The following QKI variants were observed in gnomAD, a reference collection of about 807,000 sequenced individuals.
QKI encodes KH domain-containing RNA-binding protein QKI.
QKI carries 10 observed loss-of-function variants against 39.0 expected under a neutral mutation model. That is an observed-to-expected ratio of 0.26 (90% CI 0.16 to 0.43). The LOEUF is 0.43. Among genes scored for constraint, QKI ranks in the 20% least tolerant of loss-of-function variants. The pLI, the probability that QKI is intolerant of heterozygous loss-of-function variation, is 1.00. For synonymous variants in QKI, 204 were observed against 155.4 expected, an observed-to-expected ratio of 1.31 and a Z score of -2.33; for missense variants, 218 against 428.0, an observed-to-expected ratio of 0.51 and a Z score of 4.33.
rs60823251 is a variant in QKI at position 163,572,670 on chromosome 6, A to ACCCCCCCCCCCCCCCCCCCCCCCCCC, written c.*1971_*1972insCCCCCCCCCCCCCCCCCCCCCCCCCC. The ACCCCCCCCCCCCCCCCCCCCCCCCCC allele has an allele frequency of 8.7e-4, 17 of 19,632 alleles. 2 individuals are homozygous for ACCCCCCCCCCCCCCCCCCCCCCCCCC. Among genetic ancestry groups the ACCCCCCCCCCCCCCCCCCCCCCCCCC allele is most frequent in the South Asian group, 7.8e-3 (2 of 258 alleles). 1.2% of individuals were successfully genotyped at this position (19,632 alleles called of 1,614,324 possible). ...CGTGGCAAATCTCAAGTGACAGTGGACCCCCCCCCCCGCCCAGCTTATCAA... is the reference window on the plus strand; with the variant it reads ...CGTGGCAAATCTCAAGTGACAGTGGACCCCCCCCCCCCCCCCCCCCCCCCCCCCCCCCCCCCCGCCCAGCTTATCAA... On this transcript the variant is annotated 3_prime_UTR_variant, in exon 8 of 8. Coordinates refer to ENST00000361752, the MANE Select transcript of QKI (RefSeq NM_006775.3).
chr6:163,504,156 T>G (rs1583114469), intron 3 of QKI, among the ~76,000 whole-genome samples: 2 of 152,292 alleles, frequency 1.3e-5, no homozygotes, highest in East Asian at 3.9e-4. Flanking sequence ...CATTGCTTAT[T>G]TCTGTCAAAA....
intron 2 of QKI, among the ~76,000 whole-genome samples, chr6:163,468,600 T>C (rs188857267): frequency 1.3e-5 from 2 of 152,220 alleles, no homozygotes; most frequent in Non-Finnish European, 2.9e-5. Context: ...TTGTTAAACC[T>C]CTTCTTTGTA....
intron 1 of QKI, among the ~76,000 whole-genome samples, chr6:163,422,146 G>A (rs779018590): frequency 8.5e-5 from 13 of 152,182 alleles, no homozygotes; most frequent in Admixed American, 1.3e-4. Flanking sequence ...TATTGCAGAA[G>A]TGATTTATCT....
chr6:163,424,460 G>A (rs1046980593), intron 1 of QKI, among the ~76,000 whole-genome samples: 7 of 152,034 alleles, frequency 4.6e-5, no homozygotes, highest in African/African-American at 9.7e-5. Context: ...TCATGACTCC[G>A]CAATTAACTG....
rs1783798731 is a variant in QKI at position 163,573,143 on chromosome 6, G to A, written c.*2433G>A. ...TGTGTGACATTTATAGGGAATGTTG[G>A]CTCTGAACAAACTTTTGAAAACTTG... On this transcript the variant is annotated 3_prime_UTR_variant, in exon 8 of 8. Transcript: ENST00000361752. 1 of 152,116 alleles carries A rather than the reference G, an allele frequency of 6.6e-6. No individual in the cohort carries two copies. Among genetic ancestry groups the A allele is most frequent in the Admixed American group, 6.5e-5 (1 of 15,272 alleles). The allele number at this position is 152,116 out of a possible 1,614,324, so 9.4% of individuals were successfully genotyped here.
intron 2 of QKI, among the ~76,000 whole-genome samples, chr6:163,457,757 G>A (rs528433674): frequency 6.6e-6 from 1 of 151,974 alleles, no homozygotes; most frequent in African/African-American, 2.4e-5. Context: ...GTGAAGTGAT[G>A]AATTAAACAG....
intron 3 of QKI, among the ~76,000 whole-genome samples, chr6:163,482,637 T>G (rs1163018840): frequency 6.6e-6 from 1 of 152,144 alleles, no homozygotes; most frequent in Admixed American, 6.5e-5. Flanking sequence ...CTTTACTTAT[T>G]TATTATAAAG....
intron 2 of QKI, among the ~76,000 whole-genome samples, chr6:163,457,942 C>T (rs1791049452): frequency 6.6e-6 from 1 of 151,942 alleles, no homozygotes; most frequent in Non-Finnish European, 1.5e-5. Context: ...AAATCTGTTA[C>T]AATATGATGG....
rs1376741292 is a variant in QKI, at chr6:163,571,791, A to T, written c.*1081A>T. ...TTTTTTCTGGTGGTTGTCAAGAAAC[A>T]AAAGACCAAAAGAGCCTTTTTGTCT... On this transcript the variant is annotated 3_prime_UTR_variant, in exon 8 of 8. Transcript: ENST00000361752. 2.0e-4 allele frequency: 30 copies of T among 152,026 alleles called. No homozygotes were observed. Among genetic ancestry groups the T allele is most frequent in the Non-Finnish European group, 7.4e-5 (5 of 67,994 alleles). 9.4% of individuals were successfully genotyped at this position (152,026 alleles called of 1,614,324 possible). A position where few individuals can be genotyped will look rare whatever the true frequency, so the allele number is the denominator to read the frequency against.
At chr6:163,418,856 A>G (rs924806996) in intron 1 of QKI, among the ~76,000 whole-genome samples, 9 of 152,308 alleles carry the variant, frequency 5.9e-5, no homozygotes, top group Admixed American at 3.3e-4. Context: ...AGTACGGTCT[A>G]TTAGACTTAA....
intron 1 of QKI, among the ~76,000 whole-genome samples, chr6:163,451,292 G>A (rs1039373929): frequency 2.0e-5 from 3 of 152,158 alleles, no homozygotes; most frequent in African/African-American, 7.2e-5. Flanking sequence ...GGCAGAGTTT[G>A]GGACTAGAAT....
At chr6:163,568,808 C>A in intron 7 of QKI, 2 of 985,432 alleles carry the variant, frequency 2.0e-6, no homozygotes, top group East Asian at 1.1e-4. Flanking sequence ...ATATATATTT[C>A]AAAACTGAAT....
At chr6:163,524,499 G>A (rs935670573) in intron 3 of QKI, among the ~76,000 whole-genome samples, 5 of 151,170 alleles carry the variant, frequency 3.3e-5, no homozygotes, top group African/African-American at 9.7e-5. Context: ...GTTTCGTTTC[G>A]CTCTTGTTGC....
intron 3 of QKI, among the ~76,000 whole-genome samples, chr6:163,513,783 A>G (rs1033391044): frequency 2.6e-5 from 4 of 152,158 alleles, no homozygotes; most frequent in African/African-American, 4.8e-5. Context: ...TTGCCACCAC[A>G]GTTTCATGGA....
intron 3 of QKI, among the ~76,000 whole-genome samples, chr6:163,518,035 G>A (rs1419166809): frequency 6.6e-6 from 1 of 152,072 alleles, no homozygotes; most frequent in Non-Finnish European, 1.5e-5. Context: ...TGTGTTTAGT[G>A]TACAAACTCC....
intron 1 of QKI, among the ~76,000 whole-genome samples, chr6:163,453,251 T>A: frequency 6.6e-6 from 1 of 152,110 alleles, no homozygotes; most frequent in Non-Finnish European, 1.5e-5. Flanking sequence ...TATATCTTAG[T>A]GCATTTTTCT....
At chr6:163,550,487 T>TG (rs369355686) in intron 4 of QKI, among the ~76,000 whole-genome samples, 1 of 152,104 alleles carries the variant, frequency 6.6e-6, no homozygotes, top group Admixed American at 6.5e-5. Flanking sequence ...ATCAGAGATT[T>TG]GGGGGGAAGC....
In QKI at chr6:163,572,369, A is replaced by G. The variant is rs1181644403; in HGVS notation, c.*1659A>G. Reference sequence around the variant, plus strand: ...TTCATTCTAGAAAACAATGTTTTAAATCACCCAAATTTAATCACATGTCTT... The same window carrying G: ...TTCATTCTAGAAAACAATGTTTTAAGTCACCCAAATTTAATCACATGTCTT... On this transcript the variant is annotated 3_prime_UTR_variant, in exon 8 of 8. Coordinates refer to ENST00000361752, the MANE Select transcript of QKI (RefSeq NM_006775.3). The G allele has an allele frequency of 1.3e-5, 2 of 152,218 alleles. No homozygotes were observed. The highest frequency in any genetic ancestry group is 4.8e-5 in the African/African-American group (2 of 41,462). The allele number at this position is 152,218 out of a possible 1,614,324, so 9.4% of individuals were successfully genotyped here.
chr6:163,447,971 G>T lies in QKI; in HGVS notation c.143-7308G>T, dbSNP rs145493533. On this transcript the variant is annotated intron_variant, in intron 1 of 7. Transcript: ENST00000361752. ...TACTGTTAATAGTTGTATCTTTTTTGACTTTGTTGTGTCTACCAAAAAAAT... is the reference window on the plus strand; with the variant it reads ...TACTGTTAATAGTTGTATCTTTTTTTACTTTGTTGTGTCTACCAAAAAAAT... Among the ~76,000 whole-genome samples, 200 of 151,992 alleles carry T rather than the reference G, an allele frequency of 1.3e-3. No homozygotes were observed. The East Asian group carries it at 0.031, about 24-fold the overall frequency.
Sources: gnomAD v4.1 joint callset for allele counts (sites outside exome capture counted in the v4.1 genomes callset) on GRCh38, gnomAD v4.1.1 for gene constraint, MANE v1.5 for transcripts, NCBI Gene and HGNC (gene_info 2026-07-23, HGNC 2026-07-21) for gene names.